The following CCSER1 variants were observed in gnomAD, a reference collection of about 807,000 sequenced individuals.
CCSER1 encodes the protein serine-rich coiled-coil domain-containing protein 1.
In CCSER1, 41 loss-of-function variants were observed where a neutral mutation model predicts 82.0. The observed-to-expected ratio is 0.50, with a 90% CI of 0.39 to 0.65. CCSER1 has a LOEUF of 0.65. Ranked by LOEUF, CCSER1 falls within the 30% of genes least tolerant of loss-of-function variation. The probability of loss-of-function intolerance (pLI) is 0.00; values close to 1 mark genes in which losing one functional copy is unlikely to be tolerated. For missense variants in CCSER1, 1,119 were observed against 1,064.2 expected (o/e 1.05, Z -0.72); for synonymous variants, 414 against 383.9 (o/e 1.08, Z -0.92).
chr4:91,592,691 T>C (rs1764322480), intron 10 of CCSER1, among the ~76,000 whole-genome samples: 1 of 152,200 alleles, frequency 6.6e-6, no homozygotes, highest in African/African-American at 2.4e-5. Context: ...TTTTCATTAA[T>C]CTTTCAAATA....
At chr4:90,630,731 C>T (rs1168400185) in intron 6 of CCSER1, among the ~76,000 whole-genome samples, 1 of 151,824 alleles carries the variant, frequency 6.6e-6, no homozygotes, top group Admixed American at 6.6e-5. Flanking sequence ...AAGTTTTAAA[C>T]TTCCATTCCC....
intron 10 of CCSER1, among the ~76,000 whole-genome samples, chr4:91,552,286 T>C (rs910783550): frequency 2.0e-5 from 3 of 151,736 alleles, no homozygotes; most frequent in Admixed American, 6.6e-5. Flanking sequence ...CAAATATTCT[T>C]ATTAATCAAT....
chr4:90,947,826 C>A (rs1018590931), intron 9 of CCSER1, among the ~76,000 whole-genome samples: 10 of 152,022 alleles, frequency 6.6e-5, no homozygotes, highest in African/African-American at 2.4e-4. Context: ...TTCCTGTTCC[C>A]AAACAATATG....
At chr4:90,577,627 G>A (rs1780913189) in intron 5 of CCSER1, among the ~76,000 whole-genome samples, 1 of 152,004 alleles carries the variant, frequency 6.6e-6, no homozygotes, top group African/African-American at 2.4e-5. Context: ...ATTGTTGGTA[G>A]GATGAAGTGA....
intron 10 of CCSER1, among the ~76,000 whole-genome samples, chr4:91,237,415 C>CAT (rs1477383824): frequency 3.3e-5 from 5 of 150,668 alleles, no homozygotes; most frequent in Non-Finnish European, 7.4e-5. Context: ...TATATATTGT[C>CAT]ATATATATAA....
chr4:91,207,764 T>C (rs910646921), intron 10 of CCSER1, among the ~76,000 whole-genome samples: 6 of 151,918 alleles, frequency 3.9e-5, no homozygotes, highest in Admixed American at 2.0e-4. Flanking sequence ...TATTGCTGGG[T>C]CAAATGGTAG....
At chr4:90,615,709 C>G (rs1402404762) in intron 5 of CCSER1, among the ~76,000 whole-genome samples, 1 of 150,390 alleles carries the variant, frequency 6.6e-6, no homozygotes, top group Non-Finnish European at 1.5e-5. Flanking sequence ...ATAGATTCTA[C>G]TCTTAGTGAA....
chr4:90,416,317 A>G (rs1425116282), intron 4 of CCSER1, among the ~76,000 whole-genome samples: 1 of 152,192 alleles, frequency 6.6e-6, no homozygotes, highest in African/African-American at 2.4e-5. Flanking sequence ...AATCCTCACA[A>G]TAACTCTGAG....
At chr4:90,493,108 G>T (rs771069000) in intron 5 of CCSER1, among the ~76,000 whole-genome samples, 3 of 152,106 alleles carry the variant, frequency 2.0e-5, no homozygotes, top group African/African-American at 7.2e-5. Context: ...CGAGAACTAC[G>T]TGATGAATGC....
At chr4:91,142,995 G>A (rs1409803711) in intron 10 of CCSER1, among the ~76,000 whole-genome samples, 2 of 151,986 alleles carry the variant, frequency 1.3e-5, no homozygotes, top group African/African-American at 4.8e-5. Context: ...TTTTAGAATA[G>A]TTTTTCTTAA....
intron 3 of CCSER1, among the ~76,000 whole-genome samples, chr4:90,324,843 T>C (rs1231392718): frequency 6.6e-6 from 1 of 152,218 alleles, no homozygotes; most frequent in Non-Finnish European, 1.5e-5. Flanking sequence ...GACTTAATTT[T>C]TGTATAAGGT....
chr4:90,917,115 C>T (rs1727582281), intron 8 of CCSER1, among the ~76,000 whole-genome samples: 1 of 152,174 alleles, frequency 6.6e-6, no homozygotes, highest in Non-Finnish European at 1.5e-5. Flanking sequence ...GGCAATTCCT[C>T]AGGGATCTAG....
chr4:90,602,949 C>G, intron 5 of CCSER1, among the ~76,000 whole-genome samples: 1 of 152,122 alleles, frequency 6.6e-6, no homozygotes, highest in Non-Finnish European at 1.5e-5. Flanking sequence ...CGAAGTGCTT[C>G]TAGGGAGGAG....
At chr4:91,039,410 T>C (rs1741730385) in intron 9 of CCSER1, among the ~76,000 whole-genome samples, 1 of 152,110 alleles carries the variant, frequency 6.6e-6, no homozygotes, top group South Asian at 2.1e-4. Flanking sequence ...GTATACAACA[T>C]TGTGTTTTTT....
intron 10 of CCSER1, chr4:91,319,251 A>C (rs1479242561): frequency 5.4e-6 from 1 of 185,326 alleles, no homozygotes; most frequent in Non-Finnish European, 1.1e-5. Flanking sequence ...TATTCTCAAA[A>C]TGTATCATTA....
At chr4:91,109,388 A>G (rs987395746) in intron 10 of CCSER1, among the ~76,000 whole-genome samples, 57 of 152,100 alleles carry the variant, frequency 3.7e-4, no homozygotes, top group African/African-American at 1.3e-3. Context: ...TAAATGTTCT[A>G]TCTCTCCAGA....
At chr4:90,893,967 T>C (rs1723336002) in intron 8 of CCSER1, among the ~76,000 whole-genome samples, 1 of 152,062 alleles carries the variant, frequency 6.6e-6, no homozygotes, top group Non-Finnish European at 1.5e-5. Context: ...AATATTGTTG[T>C]AGAGTTGAAA....
intron 5 of CCSER1, among the ~76,000 whole-genome samples, chr4:90,627,270 G>A (rs1012822296): frequency 1.3e-5 from 2 of 151,986 alleles, no homozygotes; most frequent in African/African-American, 2.4e-5. Flanking sequence ...TGAATAATGA[G>A]ATGTGAATAA....
intron 6 of CCSER1, among the ~76,000 whole-genome samples, chr4:90,646,668 A>C (rs1475998264): frequency 2.0e-5 from 3 of 151,980 alleles, no homozygotes; most frequent in African/African-American, 7.2e-5. Flanking sequence ...TGAACTTACT[A>C]TTTCTGTCTA....
Sources: gnomAD v4.1 joint callset for allele counts (sites outside exome capture counted in the v4.1 genomes callset) on GRCh38, gnomAD v4.1.1 for gene constraint, MANE v1.5 for transcripts, NCBI Gene and HGNC (gene_info 2026-07-23, HGNC 2026-07-21) for gene names.